The following CNTNAP2 variants were observed in gnomAD, a reference collection of about 807,000 sequenced individuals.
The protein encoded by CNTNAP2 is contactin-associated protein-like 2.
Under a neutral mutation model 155.2 loss-of-function variants are expected in CNTNAP2, and 98 were observed. That is an observed-to-expected ratio of 0.63 (90% confidence interval 0.54 to 0.75). CNTNAP2 has a LOEUF of 0.75. Among genes scored for constraint, CNTNAP2 ranks in the 30% least tolerant of loss-of-function variants. The pLI, the probability that CNTNAP2 is intolerant of heterozygous loss-of-function variation, is 0.00. For synonymous variants in CNTNAP2, 651 were observed against 631.2 expected (o/e 1.03, Z -0.47); for missense variants, 1,727 against 1,688.1 (o/e 1.02, Z -0.40).
chr7:146,877,672 T>G (rs1795457951), intron 3 of CNTNAP2, among the ~76,000 whole-genome samples: 1 of 151,920 alleles, frequency 6.6e-6, no homozygotes, highest in Non-Finnish European at 1.5e-5. Flanking sequence ...TACATATATG[T>G]ATACATATAT....
At chr7:147,145,093 G>T (rs921009040) in intron 8 of CNTNAP2, among the ~76,000 whole-genome samples, 1 of 152,132 alleles carries the variant, frequency 6.6e-6, no homozygotes, top group Non-Finnish European at 1.5e-5. Context: ...TTAAGTGTTT[G>T]ATTTCTTTCA....
chr7:148,257,922 A>AACAC (rs59515015), intron 20 of CNTNAP2, among the ~76,000 whole-genome samples: 11 of 138,642 alleles, frequency 7.9e-5, no homozygotes, highest in Non-Finnish European at 1.4e-4. Flanking sequence ...CCACACCTTA[A>AACAC]ACACACACAC....
At chr7:146,954,214 A>G (rs1221276207) in intron 3 of CNTNAP2, among the ~76,000 whole-genome samples, 1 of 151,966 alleles carries the variant, frequency 6.6e-6, no homozygotes, top group Admixed American at 6.6e-5. Context: ...GTGTTTAATA[A>G]AATGGTATTA....
intron 1 of CNTNAP2, among the ~76,000 whole-genome samples, chr7:146,354,249 C>T (rs1794964178): frequency 6.6e-6 from 1 of 152,146 alleles, no homozygotes; most frequent in Non-Finnish European, 1.5e-5. Flanking sequence ...CGTAAACAGA[C>T]ATCCTGTTGC....
intron 13 of CNTNAP2, among the ~76,000 whole-genome samples, chr7:147,751,102 G>T (rs1797129484): frequency 6.6e-6 from 1 of 151,320 alleles, no homozygotes; most frequent in African/African-American, 2.4e-5. Context: ...TCCAGGCTTT[G>T]AAGAAAAAGG....
chr7:148,177,444 T>A (rs893220848), intron 18 of CNTNAP2, among the ~76,000 whole-genome samples: 1 of 151,820 alleles, frequency 6.6e-6, no homozygotes, highest in African/African-American at 2.4e-5. Context: ...TTCCCTAGAG[T>A]TTTCGAAGAA....
At chr7:147,590,756 T>TTCA (rs1226355908) in intron 12 of CNTNAP2, among the ~76,000 whole-genome samples, 1 of 152,176 alleles carries the variant, frequency 6.6e-6, no homozygotes, top group Non-Finnish European at 1.5e-5. Context: ...TAAAGGCAGA[T>TTCA]TCAGAGAAGT....
chr7:148,202,258 C>T (rs1428773657), intron 18 of CNTNAP2, among the ~76,000 whole-genome samples: 4 of 152,162 alleles, frequency 2.6e-5, no homozygotes, highest in Non-Finnish European at 4.4e-5. Flanking sequence ...GCACGCACAT[C>T]ACTAAGCAAC....
intron 1 of CNTNAP2, among the ~76,000 whole-genome samples, chr7:146,518,006 C>T (rs1416395127): frequency 1.3e-5 from 2 of 151,786 alleles, no homozygotes; most frequent in African/African-American, 4.8e-5. Flanking sequence ...TTTACATTTA[C>T]CCAGTAACTA....
At chr7:146,344,979 A>G (rs1204879805) in intron 1 of CNTNAP2, among the ~76,000 whole-genome samples, 1 of 152,208 alleles carries the variant, frequency 6.6e-6, no homozygotes, top group Non-Finnish European at 1.5e-5. Context: ...GAATAATATG[A>G]AATGTTAGAA....
intron 8 of CNTNAP2, among the ~76,000 whole-genome samples, chr7:147,222,566 A>G (rs1211440917): frequency 6.6e-6 from 1 of 152,058 alleles, no homozygotes; most frequent in Non-Finnish European, 1.5e-5. Flanking sequence ...TATCCCTGCC[A>G]TGTCTATCTG....
intron 11 of CNTNAP2, among the ~76,000 whole-genome samples, chr7:147,548,664 G>T (rs1014226984): frequency 6.6e-6 from 1 of 152,080 alleles, no homozygotes; most frequent in Admixed American, 6.6e-5. Context: ...TGACATTTTT[G>T]TCATGAAGTC....
chr7:146,127,320 G>T (rs372685476), intron 1 of CNTNAP2, among the ~76,000 whole-genome samples: 2 of 152,142 alleles, frequency 1.3e-5, no homozygotes, highest in Non-Finnish European at 2.9e-5. Context: ...CTAATCACAG[G>T]TGAAATACTA....
chr7:147,606,176 T>C (rs934047065), intron 12 of CNTNAP2, among the ~76,000 whole-genome samples: 1 of 152,170 alleles, frequency 6.6e-6, no homozygotes, highest in Non-Finnish European at 1.5e-5. Context: ...TAATAGAAAC[T>C]CAGAAGCTTT....
At chr7:146,304,301 A>G (rs1800668030) in intron 1 of CNTNAP2, among the ~76,000 whole-genome samples, 1 of 151,908 alleles carries the variant, frequency 6.6e-6, no homozygotes, top group African/African-American at 2.4e-5. Context: ...TGTGAATTTG[A>G]TCCTGTCATT....
intron 10 of CNTNAP2, among the ~76,000 whole-genome samples, chr7:147,410,202 G>A (rs1584932495): frequency 6.6e-6 from 1 of 152,168 alleles, no homozygotes; most frequent in Admixed American, 6.5e-5. Flanking sequence ...GGAATACTAT[G>A]CAGCCATAAC....
At chr7:147,115,453 C>A (rs1340515404) in intron 5 of CNTNAP2, among the ~76,000 whole-genome samples, 1 of 152,148 alleles carries the variant, frequency 6.6e-6, no homozygotes. Flanking sequence ...CCCAGGTACA[C>A]CAATCAGTTG....
At chr7:146,794,574 G>A (rs1802734604) in intron 2 of CNTNAP2, among the ~76,000 whole-genome samples, 1 of 152,136 alleles carries the variant, frequency 6.6e-6, no homozygotes. Context: ...CATGGGGGTA[G>A]GTATGATTTT....
At chr7:148,309,785 CAG>C (rs1297263611) in intron 21 of CNTNAP2, among the ~76,000 whole-genome samples, 1 of 152,138 alleles carries the variant, frequency 6.6e-6, no homozygotes, top group African/African-American at 2.4e-5. Flanking sequence ...GTGCAGGTCA[CAG>C]GGGATATGAT....
Sources: allele counts gnomAD v4.1 joint callset (sites outside exome capture counted in the v4.1 genomes callset), GRCh38; gene constraint gnomAD v4.1.1; transcripts MANE v1.5; gene names NCBI Gene and HGNC (gene_info 2026-07-23, HGNC 2026-07-21).